VPS13C: variants seen among roughly 807,000 people sequenced by gnomAD.
VPS13C encodes vacuolar protein sorting 13 homolog C.
Under a neutral mutation model 456.8 loss-of-function variants are expected in VPS13C, and 358 were observed. The observed-to-expected ratio is 0.78, with a 90% CI of 0.72 to 0.86. VPS13C has a LOEUF of 0.86. Among genes scored for constraint, VPS13C ranks in the 40% least tolerant of loss-of-function variants. The pLI is 0.00. For synonymous variants in VPS13C, 1,578 were observed against 1,486.7 expected (o/e 1.06, Z -1.41); for missense variants, 4,818 against 4,385.4 (o/e 1.10, Z -2.79).
chr15:61,896,809 A>T (rs1345535504), intron 66 of VPS13C, among the ~76,000 whole-genome samples: 1 of 152,096 alleles, frequency 6.6e-6, no homozygotes, highest in Non-Finnish European at 1.5e-5. Context: ...GGGCACAGAC[A>T]AACAAAAAGA....
intron 66 of VPS13C, chr15:61,906,911 C>CACAGCCA (rs2140133981): frequency 4.5e-6 from 1 of 224,444 alleles, no homozygotes; most frequent in African/African-American, 2.3e-5. Flanking sequence ...GGAAAACAAG[C>CACAGCCA]TTTAAAAACT....
chr15:61,986,775 C>A (rs1224573106), intron 18 of VPS13C, among the ~76,000 whole-genome samples: 1 of 151,702 alleles, frequency 6.6e-6, no homozygotes, highest in Admixed American at 6.6e-5. Context: ...AAAGTGATAC[C>A]GTAAGACTAA....
chr15:61,954,742 A>C (rs575450075), intron 37 of VPS13C, among the ~76,000 whole-genome samples, 188 bp from the exon 38 acceptor site: 1 of 152,302 alleles, frequency 6.6e-6, no homozygotes, highest in African/African-American at 2.4e-5. Flanking sequence ...ACAAACAAAC[A>C]AGCAGGCCAC....
intron 13 of VPS13C, among the ~76,000 whole-genome samples, chr15:62,008,981 T>C (rs1156785485): frequency 3.3e-5 from 5 of 152,208 alleles, no homozygotes; most frequent in South Asian, 2.1e-4. Flanking sequence ...AGTTGTAATA[T>C]AATTTTAGGT....
Position 61,920,051 on chromosome 15 carries a change from A to G in VPS13C, c.7477+16T>C. ...CAACTGCTAAGATACCCTTAAGGAA[A>G]ACAAATATAGCCTACCAATGGTCAG... On this transcript the variant is annotated intron_variant, in intron 57 of 84. Coordinates refer to ENST00000644861, the MANE Select transcript of VPS13C (RefSeq NM_020821.3). The G allele has an allele frequency of 6.4e-7, 1 of 1,558,682 alleles. No individual in the cohort carries two copies.
At chr15:62,005,798 G>T (rs943333589) in intron 15 of VPS13C, among the ~76,000 whole-genome samples, 8 of 151,844 alleles carry the variant, frequency 5.3e-5, no homozygotes, top group South Asian at 2.1e-4. Context: ...CAGCTCCCAG[G>T]TTCAAACAAT....
At chr15:61,913,504 T>G in intron 61 of VPS13C, 89 bp from the exon 62 acceptor site, 1 of 1,140,710 alleles carries the variant, frequency 8.8e-7, no homozygotes. Flanking sequence ...TACTAGAAAT[T>G]TCTTTAGTAC....
chr15:61,925,348 T>C (rs2043813278), intron 53 of VPS13C, 108 bp downstream of exon 53: 2 of 535,054 alleles, frequency 3.7e-6, no homozygotes, highest in Non-Finnish European at 6.2e-6. Context: ...GTGACTAGCA[T>C]AATGCTTGAG....
intron 15 of VPS13C, among the ~76,000 whole-genome samples, chr15:62,001,993 C>G (rs1175573358): frequency 6.6e-6 from 1 of 152,162 alleles, no homozygotes; most frequent in East Asian, 1.9e-4. Flanking sequence ...GTGCATGTGT[C>G]TTTATAGCAG....
intron 81 of VPS13C, chr15:61,865,062 C>G: frequency 2.0e-6 from 2 of 984,560 alleles, no homozygotes; most frequent in Non-Finnish European, 2.4e-6. Context: ...TACTAAAAAC[C>G]CACTACACTC....
At chr15:61,999,206 C>G (rs999203791) in intron 16 of VPS13C, among the ~76,000 whole-genome samples, 13 of 152,112 alleles carry the variant, frequency 8.5e-5, no homozygotes, top group South Asian at 4.2e-4. Flanking sequence ...TGGTGAAACC[C>G]CATCTCTACT....
chr15:61,945,696 T>C lies in VPS13C; in HGVS notation c.5148+19A>G, dbSNP rs915789620. ...TATTTAGGCCTCAGTGAGGAATAAA[T>C]ATATTTTTAAAAACTTACCAAAAGA... On this transcript the variant is annotated intron_variant, in intron 45 of 84. Coordinates refer to ENST00000644861, the MANE Select transcript of VPS13C (RefSeq NM_020821.3). 4 of 1,560,916 alleles carry C rather than the reference T, an allele frequency of 2.6e-6. No homozygotes were observed. In the South Asian group the frequency reaches 4.9e-5, roughly 19 times the overall value.
At chr15:62,016,829 T>A (rs887579966) in intron 9 of VPS13C, among the ~76,000 whole-genome samples, 1 of 152,136 alleles carries the variant, frequency 6.6e-6, no homozygotes, top group African/African-American at 2.4e-5. Context: ...TAGTTCTAGA[T>A]CCCTGAGGAA....
intron 16 of VPS13C, among the ~76,000 whole-genome samples, chr15:61,992,389 G>A (rs2046250593): frequency 6.6e-6 from 1 of 151,930 alleles, no homozygotes; most frequent in African/African-American, 2.4e-5. Context: ...CAGAATACAG[G>A]GATAAACAAA....
chr15:61,943,173 T>G (rs2044485482), intron 45 of VPS13C, among the ~76,000 whole-genome samples: 1 of 152,132 alleles, frequency 6.6e-6, no homozygotes, highest in Non-Finnish European at 1.5e-5. Context: ...GAATCAATAT[T>G]GTTAAAATGG....
chr15:61,881,805 T>C lies in VPS13C; in HGVS notation c.9648A>G (p.Ala3216=). ...CAGGATGAAATACAACAGGGAACAT[T>C]GCACCTGGTAACTGATTATCAACCT... The part of the protein sequence containing the change: ...WLQVDNQLPG[A]MFPVVFHPVA... Residue 3216 remains alanine (A), a synonymous_variant, in exon 70 of 85, where the codon GCA becomes GCG. Transcript: ENST00000644861. 2 of 1,600,794 alleles carry C rather than the reference T, an allele frequency of 1.2e-6. No individual in the cohort carries two copies. The highest frequency in any genetic ancestry group is 1.7e-6 in the Non-Finnish European group (2 of 1,176,804).
At position 61,853,086 on chromosome 15, in the gene VPS13C, A is replaced by C. The variant is rs1216484221; in HGVS notation, c.*1371T>G. Reference sequence around the variant, plus strand: ...GTATTTTTTAAAGTTTTAATAGTTTATCTCTGATCAAGGATGGAGAAAGGA... The same window carrying C: ...GTATTTTTTAAAGTTTTAATAGTTTCTCTCTGATCAAGGATGGAGAAAGGA... On this transcript the variant is annotated 3_prime_UTR_variant, in exon 85 of 85. Coordinates refer to ENST00000644861, the MANE Select transcript of VPS13C (RefSeq NM_020821.3). The C allele has an allele frequency of 6.6e-6, 1 of 152,166 alleles. No individual in the cohort carries two copies. Among genetic ancestry groups the C allele is most frequent in the African/African-American group, 2.4e-5 (1 of 41,450 alleles). 9.4% of individuals were successfully genotyped at this position (152,166 alleles called of 1,614,324 possible). A position where few individuals can be genotyped will look rare whatever the true frequency, so the allele number is the denominator to read the frequency against.
Position 61,867,777 on chromosome 15 carries a change from A to G in VPS13C, c.10863+882T>C, listed in dbSNP as rs1424474710. 1.1e-5 allele frequency: 16 copies of G among 1,493,868 alleles called. No individual in the cohort carries two copies. The East Asian group carries it at 4.1e-4, about 38-fold the overall frequency. 92.5% of individuals were successfully genotyped at this position (1,493,868 alleles called of 1,614,324 possible). ...TACCACAAGTTTTTATTTGTAGTCA[A>G]TCCCACTACTATGAAAAGTTCAGAT... On this transcript the variant is annotated intron_variant, in intron 81 of 84. Coordinates refer to ENST00000644861, the MANE Select transcript of VPS13C (RefSeq NM_020821.3). This position sits in a 1 kb window ranked among gnomAD's most constrained non-coding sequence, Gnocchi z 5.0.
At chr15:61,901,329 C>CA (rs969889580) in intron 66 of VPS13C, among the ~76,000 whole-genome samples, 1 of 151,932 alleles carries the variant, frequency 6.6e-6, no homozygotes, top group Admixed American at 6.6e-5. Flanking sequence ...AGGCAACCTA[C>CA]AAAATGGGAG....
Sources: allele counts gnomAD v4.1 joint callset (sites outside exome capture counted in the v4.1 genomes callset), GRCh38; gene constraint gnomAD v4.1.1; non-coding constraint Gnocchi (gnomAD v3.1); transcripts MANE v1.5; gene names NCBI Gene and HGNC (gene_info 2026-07-23, HGNC 2026-07-21).